CACNA2D1: variants seen among roughly 807,000 people sequenced by gnomAD.
The protein encoded by CACNA2D1 is voltage-dependent calcium channel subunit alpha-2/delta-1.
A neutral mutation model predicts 171.5 loss-of-function variants in CACNA2D1; 53 were observed. The ratio of observed to expected loss-of-function variants is 0.31; its 90% confidence interval spans 0.25 to 0.39. The LOEUF is 0.39. Among genes scored for constraint, CACNA2D1 ranks in the 10% least tolerant of loss-of-function variants. The probability of loss-of-function intolerance (pLI) is 1.00; values close to 1 mark genes in which losing one functional copy is unlikely to be tolerated. For synonymous variants in CACNA2D1, 442 were observed against 443.1 expected (o/e 1.00, Z 0.03); for missense variants, 903 against 1,299.8 (o/e 0.69, Z 4.69).
intron 4 of CACNA2D1, among the ~76,000 whole-genome samples, chr7:82,155,323 A>G (rs917184188): frequency 1.2e-4 from 18 of 152,316 alleles, no homozygotes; most frequent in African/African-American, 4.1e-4. Context: ...AAAGATATAC[A>G]TTATTACAAT....
At chr7:81,974,887 G>A (rs1298199717) in intron 24 of CACNA2D1, among the ~76,000 whole-genome samples, 1 of 151,846 alleles carries the variant, frequency 6.6e-6, no homozygotes. Flanking sequence ...CAAGGGGAGG[G>A]ACAGCATTAG....
chr7:82,103,447 T>C (rs1197333566), intron 6 of CACNA2D1, among the ~76,000 whole-genome samples: 3 of 152,182 alleles, frequency 2.0e-5, no homozygotes, highest in Admixed American at 6.5e-5. Flanking sequence ...GAAAGGAATA[T>C]TATAACACTG....
At chr7:82,262,545 T>C (rs185497749) in intron 3 of CACNA2D1, among the ~76,000 whole-genome samples, 6 of 152,244 alleles carry the variant, frequency 3.9e-5, no homozygotes, top group Admixed American at 2.6e-4. Flanking sequence ...CACTTTTGTA[T>C]TTTTCCTTTT....
intron 5 of CACNA2D1, among the ~76,000 whole-genome samples, chr7:82,126,258 C>T (rs1256767698): frequency 6.6e-6 from 1 of 152,142 alleles, no homozygotes; most frequent in African/African-American, 2.4e-5. Flanking sequence ...ATTGCCTCTA[C>T]TGTATAACAA....
chr7:82,258,414 T>C (rs1380635462), intron 3 of CACNA2D1, among the ~76,000 whole-genome samples: 1 of 152,016 alleles, frequency 6.6e-6, no homozygotes, highest in African/African-American at 2.4e-5. Flanking sequence ...ACTGTACACA[T>C]TGTTGTCCTT....
At chr7:82,296,016 A>G (rs1356661918) in intron 3 of CACNA2D1, among the ~76,000 whole-genome samples, 3 of 151,268 alleles carry the variant, frequency 2.0e-5, no homozygotes, top group Non-Finnish European at 4.4e-5. Context: ...AGGACAAAAA[A>G]CCAAACACCT....
chr7:82,280,381 G>A (rs544938343), intron 3 of CACNA2D1, among the ~76,000 whole-genome samples: 3 of 152,044 alleles, frequency 2.0e-5, no homozygotes, highest in Admixed American at 1.3e-4. Flanking sequence ...AAAACACGAG[G>A]CTCAAGTAAT....
intron 1 of CACNA2D1, among the ~76,000 whole-genome samples, chr7:82,427,127 A>G (rs1405847902): frequency 6.6e-6 from 1 of 152,180 alleles, no homozygotes; most frequent in Non-Finnish European, 1.5e-5. Flanking sequence ...GGGGGAACTT[A>G]TCTGTACTTG....
Position 82,132,718 on chromosome 7 carries a change from T to C in CACNA2D1, c.396+3917A>G, listed in dbSNP as rs562719659. On this transcript the variant is annotated intron_variant, in intron 5 of 38. Transcript: ENST00000356860. ...TGTATTAGCCAGTGTATCCAGAATGTTCCTAGAGAGGAATCAACTTCTGTC... is the reference window on the plus strand; with the variant it reads ...TGTATTAGCCAGTGTATCCAGAATGCTCCTAGAGAGGAATCAACTTCTGTC... Among the ~76,000 whole-genome samples the C allele has an allele frequency of 7.2e-5, 11 of 152,308 alleles. No homozygotes were observed. The South Asian group carries it at 2.3e-3, about 32-fold the overall frequency.
intron 3 of CACNA2D1, among the ~76,000 whole-genome samples, chr7:82,216,414 T>C (rs1225381503): frequency 6.6e-6 from 1 of 152,156 alleles, no homozygotes; most frequent in Non-Finnish European, 1.5e-5. Flanking sequence ...TCACTCCTCT[T>C]TCTGTTTTCA....
At chr7:82,424,633 AT>A (rs1829018681) in intron 1 of CACNA2D1, among the ~76,000 whole-genome samples, 1 of 152,220 alleles carries the variant, frequency 6.6e-6, no homozygotes, top group Admixed American at 6.5e-5. Context: ...TTTTCTACAT[AT>A]TTATTGACAA....
chr7:82,367,851 C>G (rs1208499736), intron 1 of CACNA2D1, among the ~76,000 whole-genome samples: 1 of 151,826 alleles, frequency 6.6e-6, no homozygotes, highest in Non-Finnish European at 1.5e-5. Flanking sequence ...TAAAAATAAT[C>G]TTAGCTGACA....
chr7:82,053,251 CA>C lies in CACNA2D1; in HGVS notation c.879+7176del, dbSNP rs4019049. Among the ~76,000 whole-genome samples, 577 of 115,796 alleles carry C rather than the reference CA, an allele frequency of 5.0e-3. 6 individuals are homozygous for C. Among genetic ancestry groups the C allele is most frequent in the African/African-American group, 0.019 (541 of 28,662 alleles). 76.0% of individuals were successfully genotyped at this position (115,796 alleles called of 152,430 possible). On this transcript the variant is annotated intron_variant, in intron 10 of 38. Transcript: ENST00000356860. Reference sequence around the variant, plus strand: ...TGGGTGACAGAGCGAGACTCCGTCTCAAAAAAAAAAAAAAAAAATTAAATAA... The same window carrying C: ...TGGGTGACAGAGCGAGACTCCGTCTCAAAAAAAAAAAAAAAAATTAAATAA...
At chr7:82,307,500 T>C (rs1253997281) in intron 3 of CACNA2D1, among the ~76,000 whole-genome samples, 1 of 150,246 alleles carries the variant, frequency 6.7e-6, no homozygotes, top group Non-Finnish European at 1.5e-5. Context: ...TTTATAAATT[T>C]ATAATTCTTA....
At chr7:81,969,832 TTTA>T (rs779534186) in intron 28 of CACNA2D1, 46 bp downstream of exon 28, 37 of 1,024,412 alleles carry the variant, frequency 3.6e-5, no homozygotes, top group Middle Eastern at 4.5e-4. Context: ...GTAGCAGTAA[TTTA>T]TTATTTAAAA....
chr7:82,100,704 T>C (rs1216604122), intron 6 of CACNA2D1, among the ~76,000 whole-genome samples: 1 of 152,194 alleles, frequency 6.6e-6, no homozygotes, highest in Non-Finnish European at 1.5e-5. Context: ...TGTGTATTTA[T>C]GCCAAGTAAA....
intron 2 of CACNA2D1, among the ~76,000 whole-genome samples, chr7:82,338,236 C>G (rs966996104): frequency 6.6e-6 from 1 of 152,028 alleles, no homozygotes; most frequent in Admixed American, 6.5e-5. Flanking sequence ...AAAGAAACCT[C>G]TTGGAAATCA....
intron 4 of CACNA2D1, among the ~76,000 whole-genome samples, chr7:82,149,539 C>T (rs1036096112): frequency 6.6e-6 from 1 of 151,930 alleles, no homozygotes; most frequent in Non-Finnish European, 1.5e-5. Context: ...TAGTATCCAC[C>T]CATACCAACT....
intron 5 of CACNA2D1, among the ~76,000 whole-genome samples, chr7:82,121,681 CATA>C (rs917898350): frequency 1.3e-5 from 2 of 152,008 alleles, no homozygotes; most frequent in African/African-American, 2.4e-5. Context: ...AGGACTTACA[CATA>C]ATATTTGTAC....
Sources: allele counts gnomAD v4.1 joint callset (sites outside exome capture counted in the v4.1 genomes callset), GRCh38; gene constraint gnomAD v4.1.1; transcripts MANE v1.5; gene names NCBI Gene and HGNC (gene_info 2026-07-23, HGNC 2026-07-21).